ZNF611: variants seen among roughly 807,000 people sequenced by gnomAD.
ZNF611 encodes zinc finger protein 611.
ZNF611 carries 6 observed loss-of-function variants against 8.9 expected under a neutral mutation model. The ratio of observed to expected loss-of-function variants is 0.68; its 90% CI spans 0.37 to 1.34. ZNF611 has a LOEUF of 1.34. Ranked by LOEUF, ZNF611 falls within the 40% of genes most tolerant of loss-of-function variation. ZNF611 has a pLI of 0.02. For missense variants in ZNF611, 874 were observed against 841.3 expected, an observed-to-expected ratio of 1.04 and a Z score of -0.48; for synonymous variants, 262 against 279.7, an observed-to-expected ratio of 0.94 and a Z score of 0.63.
chr19:52,729,492 C>CA lies in ZNF611; in HGVS notation c.-122+413dup, dbSNP rs397859789. 1.4e-3 allele frequency among the ~76,000 whole-genome samples: 61 copies of CA among 42,352 alleles called. 4 individuals carry two copies. The highest frequency in any genetic ancestry group is 5.5e-3 in the East Asian group (3 of 546). 27.8% of individuals were successfully genotyped at this position (42,352 alleles called of 152,430 possible). A position where few individuals can be genotyped will look rare whatever the true frequency, so the allele number is the denominator to read the frequency against. On this transcript the variant is annotated intron_variant, in intron 2 of 5. Transcript: ENST00000652185. ...TGGGTGACAGAGCGAGACTCCATCTCAAAAAAAAAAAAAAAAAAAAAAAAA... is the reference window on the plus strand; with the variant it reads ...TGGGTGACAGAGCGAGACTCCATCTCAAAAAAAAAAAAAAAAAAAAAAAAAA...
At chr19:52,714,202 A>G (rs140249203) in intron 4 of ZNF611, 61 bp from the exon 5 acceptor site, 16,142 of 1,582,980 alleles carry the variant, frequency 0.01, 118 homozygotes, top group Middle Eastern at 0.022. Flanking sequence ...ACCTTCACAG[A>G]AAATGAGAAA....
intron 3 of ZNF611, among the ~76,000 whole-genome samples, chr19:52,721,685 G>A (rs2062360657): frequency 6.6e-6 from 1 of 151,998 alleles, no homozygotes; most frequent in Non-Finnish European, 1.5e-5. Context: ...GGGAAAGGGA[G>A]AGAGGGAGGG....
At chr19:52,716,030 G>C in intron 3 of ZNF611, 117 bp from the exon 4 acceptor site, 1 of 1,138,040 alleles carries the variant, frequency 8.8e-7, no homozygotes. Context: ...ACTGCCCACT[G>C]CACCAGAGAT....
chr19:52,717,042 AAAG>A (rs1461158118), intron 3 of ZNF611, among the ~76,000 whole-genome samples: 1 of 152,082 alleles, frequency 6.6e-6, no homozygotes. Context: ...CAAAAAAAAA[AAAG>A]GAAACTCAAA....
At chr19:52,709,474 T>C (rs574277711) in intron 5 of ZNF611, among the ~76,000 whole-genome samples, 117 of 152,262 alleles carry the variant, frequency 7.7e-4, no homozygotes, top group Middle Eastern at 3.4e-3. Context: ...GGTTTCACCA[T>C]GTTGGCCAGG....
chr19:52,705,546 A>C lies in ZNF611; in HGVS notation c.1509T>G (p.Ile503Met). ...QNSDLLIHKSIHTGEQPYKCD... is the reference protein window; with the variant it reads ...QNSDLLIHKSMHTGEQPYKCD... The stretch of plus-strand genomic sequence containing the variant: ...ATTTGTAAGGTTGCTCCCCAGTATG[A>C]ATTGACTTATGAATTAAAAGATCTG... The change falls in exon 6 of 6, where the codon ATT (isoleucine) becomes ATG (methionine). Residue 503 changes from isoleucine to methionine, a missense_variant. Physicochemically the swap from Ile to Met is conservative, Grantham distance 10 (BLOSUM62 1). Coordinates refer to ENST00000652185, the MANE Select transcript of ZNF611 (RefSeq NM_001161499.2). 1 of 1,614,086 alleles carries C rather than the reference A, an allele frequency of 6.2e-7. No homozygotes were observed. The highest frequency in any genetic ancestry group is 1.1e-5 in the South Asian group (1 of 91,076).
Position 52,704,274 on chromosome 19 carries a change from G to A in ZNF611, c.*663C>T. On this transcript the variant is annotated 3_prime_UTR_variant, in exon 6 of 6. Coordinates refer to ENST00000652185, the MANE Select transcript of ZNF611 (RefSeq NM_001161499.2). ...TGCTATACTCATTTCATTGGGAACG[G>A]TTATCTCAAAAATGAATTTTCTGAT... The A allele has an allele frequency of 2.0e-6, 1 of 511,014 alleles. No individual in the cohort carries two copies. The highest frequency in any genetic ancestry group is 1.6e-5 in the South Asian group (1 of 64,374). The allele number at this position is 511,014 out of a possible 1,614,324, so 31.7% of individuals were successfully genotyped here. A position where few individuals can be genotyped will look rare whatever the true frequency, so the allele number is the denominator to read the frequency against.
intron 5 of ZNF611, 96 bp from the exon 6 acceptor site, chr19:52,706,960 G>C: frequency 6.6e-7 from 1 of 1,506,618 alleles, no homozygotes; most frequent in Non-Finnish European, 8.9e-7. Flanking sequence ...TACTTATTTT[G>C]AACTTCCCAA....
intron 3 of ZNF611, among the ~76,000 whole-genome samples, chr19:52,726,223 G>A (rs1257097955): frequency 6.6e-6 from 1 of 152,064 alleles, no homozygotes; most frequent in Non-Finnish European, 1.5e-5. Context: ...GAGGAGTGAG[G>A]TCACCACCTG....
At chr19:52,729,254 A>G (rs1282647880) in intron 2 of ZNF611, among the ~76,000 whole-genome samples, 1 of 152,202 alleles carries the variant, frequency 6.6e-6, no homozygotes, top group East Asian at 1.9e-4. Flanking sequence ...AATAATCCAC[A>G]ACAAGCTCAT....
At position 52,720,704 on chromosome 19, in the gene ZNF611, T is replaced by G. The variant is rs1296762791; in HGVS notation, c.-19-4791A>C. Among the ~76,000 whole-genome samples, 3 of 137,964 alleles carry G rather than the reference T, an allele frequency of 2.2e-5. 1 individual carries two copies. The highest frequency in any genetic ancestry group is 8.3e-5 in the African/African-American group (3 of 36,284). The allele number at this position is 137,964 out of a possible 152,430, so 90.5% of individuals were successfully genotyped here. ...GCAGAGGCGCTCCCCACCTCCCAGA[T>G]GGCGTGGCCGGGCAGAGGCACTCCT... On this transcript the variant is annotated intron_variant, in intron 3 of 5. Coordinates refer to ENST00000652185, the MANE Select transcript of ZNF611 (RefSeq NM_001161499.2).
intron 4 of ZNF611, 124 bp downstream of exon 4, chr19:52,715,708 A>C: frequency 6.8e-7 from 1 of 1,470,190 alleles, no homozygotes; most frequent in Non-Finnish European, 9.2e-7. Context: ...GAGGGCAGGC[A>C]TGGGTGAGTG....
intron 2 of ZNF611, among the ~76,000 whole-genome samples, chr19:52,729,427 A>G (rs753986652): frequency 1.4e-5 from 2 of 144,272 alleles, no homozygotes; most frequent in African/African-American, 2.6e-5. Context: ...TGGGAGGGAA[A>G]GGTTGCAGGG....
chr19:52,733,463 GTTAT>G (rs1276213988), intron 1 of ZNF611, among the ~76,000 whole-genome samples: 1 of 152,088 alleles, frequency 6.6e-6, no homozygotes, highest in African/African-American at 2.4e-5. Context: ...ATTATGCCCG[GTTAT>G]TTACTTACTT....
At position 52,705,487 on chromosome 19, in the gene ZNF611, G is replaced by A; in HGVS notation, c.1568C>T (p.Ser523Leu). The change falls in exon 6 of 6, where the codon TCA becomes TTA. Residue 523 changes from serine to leucine, a missense_variant. By Grantham distance (145) the Ser-to-Leu change is moderately radical (BLOSUM62 -2). Coordinates refer to ENST00000652185, the MANE Select transcript of ZNF611 (RefSeq NM_001161499.2). ...ACCTATCTTATGTGTCTCAAGGCTTGATTTACGACTGAAAACCTTTTCACA... is the reference window on the plus strand; with the variant it reads ...ACCTATCTTATGTGTCTCAAGGCTTAATTTACGACTGAAAACCTTTTCACA... ...DECEKVFSRK[S>L]SLETHKIGHT... The A allele has an allele frequency of 6.2e-7, 1 of 1,614,132 alleles. No homozygotes were observed. Among genetic ancestry groups the A allele is most frequent in the Non-Finnish European group, 8.5e-7 (1 of 1,180,024 alleles).
chr19:52,721,707 C>G (rs1053512409), intron 3 of ZNF611, among the ~76,000 whole-genome samples: 5 of 140,504 alleles, frequency 3.6e-5, no homozygotes, highest in Admixed American at 6.9e-5. Flanking sequence ...GAGGGAGAGG[C>G]AGAGGCAGAG....
intron 3 of ZNF611, among the ~76,000 whole-genome samples, chr19:52,719,433 G>A (rs2062339668): frequency 6.6e-6 from 1 of 152,160 alleles, no homozygotes; most frequent in Admixed American, 6.5e-5. Context: ...AAGAGGGGTT[G>A]CAGAGGGAAG....
rs541306106 is a variant in ZNF611 at position 52,714,749 on chromosome 19, C to T, written c.64-608G>A. Among the ~76,000 whole-genome samples the T allele has an allele frequency of 2.1e-4, 28 of 133,038 alleles. 1 individual carries two copies. Among genetic ancestry groups the T allele is most frequent in the East Asian group, 2.0e-3 (9 of 4,426 alleles). The allele number at this position is 133,038 out of a possible 152,430, so 87.3% of individuals were successfully genotyped here. On this transcript the variant is annotated intron_variant, in intron 4 of 5. Transcript: ENST00000652185. ...GGGCAGTGACTGTCACCTGTAATCCCAGCACTTTGGGAGACCAAGACGGGC... is the reference window on the plus strand; with the variant it reads ...GGGCAGTGACTGTCACCTGTAATCCTAGCACTTTGGGAGACCAAGACGGGC...
intron 3 of ZNF611, chr19:52,724,066 C>G (rs2062376394): frequency 6.6e-6 from 1 of 152,332 alleles, no homozygotes; most frequent in South Asian, 2.1e-4. Context: ...AGAGGCCTTC[C>G]TCTTATCTCA....
Sources: allele counts gnomAD v4.1 joint callset (sites outside exome capture counted in the v4.1 genomes callset), GRCh38; gene constraint gnomAD v4.1.1; transcripts MANE v1.5; gene names NCBI Gene and HGNC (gene_info 2026-07-23, HGNC 2026-07-21).